KAZN: variants seen among roughly 807,000 people sequenced by gnomAD.
KAZN encodes the protein kazrin, periplakin interacting protein.
In KAZN, 40 loss-of-function variants were observed where a neutral mutation model predicts 87.4. The observed-to-expected ratio is 0.46, with a 90% CI of 0.36 to 0.60. The LOEUF (loss-of-function observed/expected upper bound fraction) is 0.60, where lower values mean the gene tolerates loss of function less well. KAZN is among the 20% of genes least tolerant of loss of function. The probability of loss-of-function intolerance (pLI) is 0.00; values close to 1 mark genes in which losing one functional copy is unlikely to be tolerated. For missense variants in KAZN, 898 were observed against 1,073.9 expected (o/e 0.84, Z 2.29); for synonymous variants, 466 against 458.3 (o/e 1.02, Z -0.22).
intron 1 of KAZN, among the ~76,000 whole-genome samples, chr1:14,688,952 G>A (rs1641122511): frequency 6.6e-6 from 1 of 152,270 alleles, no homozygotes. Context: ...CTAGCACTTT[G>A]GGAAGCCAAG....
Position 14,393,759 on chromosome 1 carries a change from A to T in KAZN, c.250-205224A>T, listed in dbSNP as rs564766962. On this transcript the variant is annotated intron_variant, in intron 2 of 16. Transcript: ENST00000636203. ...CATGGAGGGAGGCTGAAGTGGGAGG[A>T]TCACTTGATCCCAGGATGCAGAGGT... 2.9e-3 allele frequency among the ~76,000 whole-genome samples: 431 copies of T among 150,214 alleles called. 2 individuals are homozygous for T. Among genetic ancestry groups the T allele is most frequent in the Middle Eastern group, 0.014 (4 of 294 alleles).
At chr1:14,886,792 A>G (rs1654116042) in intron 1 of KAZN, among the ~76,000 whole-genome samples, 1 of 152,172 alleles carries the variant, frequency 6.6e-6, no homozygotes, top group Non-Finnish European at 1.5e-5. Flanking sequence ...ACTCCATCTC[A>G]AAAAAATAAA....
rs149863983 is a variant in KAZN at position 14,018,466 on chromosome 1, G to A, written c.91+124710G>A. Reference sequence around the variant, plus strand: ...AAAAATATAACAGCTATAATTTATAGCGGTGATAATTTGCACATGTGATGG... The same window carrying A: ...AAAAATATAACAGCTATAATTTATAACGGTGATAATTTGCACATGTGATGG... On this transcript the variant is annotated intron_variant, in intron 1 of 16. Transcript: ENST00000636203. Among the ~76,000 whole-genome samples, 57 of 152,278 alleles carry A rather than the reference G, an allele frequency of 3.7e-4. 1 individual carries two copies. In the East Asian group the frequency reaches 9.9e-3, roughly 26 times the overall value.
intron 2 of KAZN, among the ~76,000 whole-genome samples, chr1:14,404,796 ATATT>A (rs1663696363): frequency 6.6e-6 from 1 of 152,234 alleles, no homozygotes; most frequent in Non-Finnish European, 1.5e-5. Flanking sequence ...ACACCAACAT[ATATT>A]GTCATTGACA....
chr1:14,373,880 G>A (rs1229815642), intron 2 of KAZN, among the ~76,000 whole-genome samples: 1 of 152,166 alleles, frequency 6.6e-6, no homozygotes, highest in African/African-American at 2.4e-5. Flanking sequence ...TAGGGATTTG[G>A]TTGTCCAGGT....
intron 8 of KAZN, among the ~76,000 whole-genome samples, chr1:15,070,341 CG>C (rs1639450564): frequency 1.3e-5 from 2 of 152,206 alleles, no homozygotes; most frequent in African/African-American, 4.8e-5. Context: ...GAGGAATCAG[CG>C]GGGGAATCAG....
At chr1:14,265,360 G>A (rs896869224) in intron 2 of KAZN, among the ~76,000 whole-genome samples, 3 of 152,172 alleles carry the variant, frequency 2.0e-5, no homozygotes, top group African/African-American at 7.2e-5. Context: ...CACCAAGATT[G>A]TTATACCACC....
At chr1:14,635,776 G>A (rs1212495990) in intron 1 of KAZN, among the ~76,000 whole-genome samples, 1 of 152,166 alleles carries the variant, frequency 6.6e-6, no homozygotes, top group Non-Finnish European at 1.5e-5. Context: ...ATCTGGTGCT[G>A]CTGATATCCA....
intron 2 of KAZN, among the ~76,000 whole-genome samples, chr1:14,521,673 C>T (rs958149980): frequency 3.9e-5 from 6 of 152,134 alleles, no homozygotes; most frequent in Admixed American, 2.0e-4. Context: ...GCCTACAGTC[C>T]GTAAAAGACC....
chr1:15,109,028 G>A (rs1431028019), intron 13 of KAZN, among the ~76,000 whole-genome samples: 2 of 152,154 alleles, frequency 1.3e-5, no homozygotes, highest in Non-Finnish European at 2.9e-5. Context: ...TGGAGGCCAA[G>A]GTCACCCCGT....
At chr1:14,510,389 AAC>A (rs1553181757) in intron 2 of KAZN, among the ~76,000 whole-genome samples, 2 of 151,584 alleles carry the variant, frequency 1.3e-5, no homozygotes, top group African/African-American at 2.4e-5. Context: ...AAAAAAAAAA[AAC>A]AAACAGGATG....
At chr1:15,107,340 T>G (rs1454895365) in intron 13 of KAZN, among the ~76,000 whole-genome samples, 1 of 152,188 alleles carries the variant, frequency 6.6e-6, no homozygotes, top group Non-Finnish European at 1.5e-5. Flanking sequence ...TTAATAGATC[T>G]CTGAGGGTCT....
Position 14,385,134 on chromosome 1 carries a change from T to C in KAZN, c.249+204542T>C, listed in dbSNP as rs374051616. ...TGTTTGTAGTATTCTCTGATGGTAG[T>C]TTGTATTTCTGTGGGATCAGTGGTG... On this transcript the variant is annotated intron_variant, in intron 2 of 16. Coordinates refer to the KAZN transcript ENST00000636203. Among the ~76,000 whole-genome samples the C allele has an allele frequency of 1.8e-3, 277 of 152,180 alleles. No individual in the cohort carries two copies. In the South Asian group the frequency reaches 0.021, roughly 11 times the overall value.
chr1:15,064,266 G>A (rs1639045269), intron 7 of KAZN, among the ~76,000 whole-genome samples: 1 of 152,156 alleles, frequency 6.6e-6, no homozygotes, highest in South Asian at 2.1e-4. Context: ...CTGTGGGTCT[G>A]CACACCACCC....
chr1:14,719,019 G>C (rs1048974905), intron 1 of KAZN, among the ~76,000 whole-genome samples: 6 of 152,114 alleles, frequency 3.9e-5, no homozygotes, highest in African/African-American at 1.4e-4. Flanking sequence ...GTGCAGGCTT[G>C]GTTTCCAAGA....
chr1:14,419,296 G>GAAAAT (rs1036029793), intron 2 of KAZN, among the ~76,000 whole-genome samples: 8 of 151,840 alleles, frequency 5.3e-5, no homozygotes, highest in African/African-American at 1.9e-4. Flanking sequence ...AAGCGCAAAA[G>GAAAAT]AAAGAAAGGC....
chr1:13,917,660 G>A (rs1639903348), intron 1 of KAZN, among the ~76,000 whole-genome samples: 1 of 151,948 alleles, frequency 6.6e-6, no homozygotes, highest in Admixed American at 6.6e-5. Flanking sequence ...TTAGCTGGGT[G>A]TAGTGATGCA....
At chr1:14,263,201 A>G (rs886554974) in intron 2 of KAZN, among the ~76,000 whole-genome samples, 1 of 152,236 alleles carries the variant, frequency 6.6e-6, no homozygotes, top group Non-Finnish European at 1.5e-5. Flanking sequence ...GTTGAAAGCC[A>G]TAGACCATAA....
rs112667110 is a variant in KAZN, at chr1:14,695,510, C to CTT, written c.226+96301_226+96302dup. The stretch of plus-strand genomic sequence containing the variant: ...CCTCTTTCCCCAGACTACATTCCAT[C>CTT]TTTTTTTTTTTTTTTGATGGAGTCT... On this transcript the variant is annotated intron_variant, in intron 1 of 14. Coordinates refer to ENST00000376030, the MANE Select transcript of KAZN (RefSeq NM_201628.3). Among the ~76,000 whole-genome samples the CTT allele has an allele frequency of 4.5e-3, 384 of 85,074 alleles. 80 individuals are homozygous for CTT. In the East Asian group the frequency reaches 0.074, roughly 16 times the overall value. 55.8% of individuals were successfully genotyped at this position (85,074 alleles called of 152,430 possible).
Sources: allele counts gnomAD v4.1 joint callset (sites outside exome capture counted in the v4.1 genomes callset), GRCh38; gene constraint gnomAD v4.1.1; transcripts MANE v1.5; gene names NCBI Gene and HGNC (gene_info 2026-07-23, HGNC 2026-07-21).